The following PLCH1 variants were observed in gnomAD, a reference collection of about 807,000 sequenced individuals.
PLCH1 encodes 1-phosphatidylinositol 4,5-bisphosphate phosphodiesterase eta-1.
In PLCH1, 60 loss-of-function variants were observed where a neutral mutation model predicts 126.7. That is an observed-to-expected ratio of 0.47 (90% CI 0.38 to 0.59). The LOEUF is 0.59. PLCH1 is among the 20% of genes least tolerant of loss of function. The probability of loss-of-function intolerance (pLI) is 0.00; values close to 1 mark genes in which losing one functional copy is unlikely to be tolerated. For missense variants in PLCH1, 1,723 were observed against 2,040.0 expected (o/e 0.84, Z 2.99); for synonymous variants, 719 against 734.9 (o/e 0.98, Z 0.35).
At chr3:155,545,773 A>C (rs973234420) in intron 10 of PLCH1, among the ~76,000 whole-genome samples, 2 of 152,016 alleles carry the variant, frequency 1.3e-5, no homozygotes, top group Admixed American at 1.3e-4. Context: ...TATAAACAGA[A>C]CCAAAGACAA....
intron 21 of PLCH1, among the ~76,000 whole-genome samples, chr3:155,461,185 T>C (rs927175764): frequency 6.6e-6 from 1 of 152,234 alleles, no homozygotes; most frequent in Non-Finnish European, 1.5e-5. Context: ...TTGACATTTT[T>C]CTAATTGGAC....
At chr3:155,717,798 T>C (rs1182804726) in intron 1 of PLCH1, among the ~76,000 whole-genome samples, 1 of 152,210 alleles carries the variant, frequency 6.6e-6, no homozygotes, top group Admixed American at 6.5e-5. Context: ...TCTACCCTTG[T>C]CTTGGCAATT....
rs184513226 is a variant in PLCH1 at position 155,580,905 on chromosome 3, C to T, written c.771+2567G>A. Among the ~76,000 whole-genome samples, 767 of 152,182 alleles carry T rather than the reference C, an allele frequency of 5.0e-3. 8 individuals carry two copies. Among genetic ancestry groups the T allele is most frequent in the African/African-American group, 0.018 (731 of 41,522 alleles). ...ATCAAAAAAAGGTCTTTATTTTGAG[C>T]TTTCTGAGGGTAGGTTTTGTCCACT... On this transcript the variant is annotated intron_variant, in intron 6 of 22. Transcript: ENST00000460012.
intron 1 of PLCH1, among the ~76,000 whole-genome samples, chr3:155,737,717 A>G (rs1327583235): frequency 1.3e-5 from 2 of 152,228 alleles, no homozygotes; most frequent in African/African-American, 4.8e-5. Context: ...CTGGAGAACT[A>G]CATTGCATAT....
At chr3:155,454,973 G>A (rs145457609) in intron 21 of PLCH1, among the ~76,000 whole-genome samples, 1 of 152,164 alleles carries the variant, frequency 6.6e-6, no homozygotes, top group African/African-American at 2.4e-5. Flanking sequence ...CAAGCACTTT[G>A]GCAAAGAGGT....
intron 21 of PLCH1, among the ~76,000 whole-genome samples, chr3:155,468,099 A>G (rs1034684833): frequency 1.8e-4 from 27 of 152,208 alleles, no homozygotes; most frequent in African/African-American, 6.5e-4. Context: ...AAAAAGTTAA[A>G]AAGTGGGGGT....
intron 9 of PLCH1, among the ~76,000 whole-genome samples, chr3:155,551,684 CAAAAAAAAAAAAA>C (rs35872401): frequency 2.3e-5 from 2 of 87,010 alleles, no homozygotes; most frequent in Non-Finnish European, 4.8e-5. Flanking sequence ...AGCTCTCTAC[CAAAAAAAAAAAAA>C]AAAAAAAAAA....
At chr3:155,653,190 T>TATAG (rs1740944578) in intron 2 of PLCH1, among the ~76,000 whole-genome samples, 1 of 131,040 alleles carries the variant, frequency 7.6e-6, no homozygotes, top group East Asian at 2.2e-4. Flanking sequence ...TAGATATAGA[T>TATAG]ATATAGATAT....
At chr3:155,515,439 T>C (rs1720188484) in intron 11 of PLCH1, among the ~76,000 whole-genome samples, 1 of 152,242 alleles carries the variant, frequency 6.6e-6, no homozygotes, top group South Asian at 2.1e-4. Context: ...ATTTCAGGAG[T>C]TGAGGATTAT....
intron 4 of PLCH1, among the ~76,000 whole-genome samples, chr3:155,593,644 C>T (rs1427966151): frequency 1.3e-5 from 2 of 152,168 alleles, no homozygotes; most frequent in Non-Finnish European, 2.9e-5. Context: ...TTAATGGGCA[C>T]TTTCCCTCTC....
chr3:155,708,855 C>T (rs553485731), intron 1 of PLCH1, among the ~76,000 whole-genome samples: 25 of 152,240 alleles, frequency 1.6e-4, no homozygotes, highest in Non-Finnish European at 2.5e-4. Context: ...TGCAGATTTA[C>T]GCTCTTTATT....
In PLCH1 at chr3:155,546,732, C is replaced by A. The variant is rs1448720152; in HGVS notation, c.1362+3055G>T. ...CAGAACAGAGCCCTCAGAAATAACG[C>A]CCCATGTCTACAACTATCTGATCTT... On this transcript the variant is annotated intron_variant, in intron 10 of 22. Transcript: ENST00000460012. Among the ~76,000 whole-genome samples, 186 of 149,140 alleles carry A rather than the reference C, an allele frequency of 1.2e-3. No individual in the cohort carries two copies. In the East Asian group the frequency reaches 0.017, roughly 14 times the overall value.
At position 155,492,734 on chromosome 3, in the gene PLCH1, C is replaced by A. The variant is rs1716417682; in HGVS notation, c.2302G>T (p.Gly768Cys). The A allele has an allele frequency of 4.4e-6, 7 of 1,576,262 alleles. No homozygotes were observed. Among genetic ancestry groups the A allele is most frequent in the Non-Finnish European group, 6.0e-6 (7 of 1,163,968 alleles). The change falls in exon 18 of 23, where the codon GGC becomes TGC. Residue 768 changes from glycine (G) to cysteine (C), a missense_variant. Coordinates refer to ENST00000460012, the MANE Select transcript of PLCH1 (RefSeq NM_014996.4). ...CGTAGTCATAGGCAACTTACCTCGC[C>A]TCGATCTCCAAACATGGAGTCTGGA... ...KPPDSMFGDR[G>C]EIIDPFVEVE...
At chr3:155,616,905 CT>C (rs1378240626) in intron 2 of PLCH1, among the ~76,000 whole-genome samples, 1 of 152,024 alleles carries the variant, frequency 6.6e-6, no homozygotes, top group African/African-American at 2.4e-5. Context: ...TCTAAATTAG[CT>C]TTTTTTAACC....
downstream of PLCH1, among the ~76,000 whole-genome samples, chr3:155,475,906 T>C (rs1713525471): frequency 6.6e-6 from 1 of 151,898 alleles, no homozygotes; most frequent in African/African-American, 2.4e-5. Flanking sequence ...CTTACACCAA[T>C]CCTACTCAAA....
intron 10 of PLCH1, among the ~76,000 whole-genome samples, chr3:155,527,567 T>C (rs1234469420): frequency 2.0e-4 from 31 of 152,148 alleles, no homozygotes; most frequent in Admixed American, 1.9e-3. Flanking sequence ...ATCTAAACAA[T>C]TGGGATTTAG....
At chr3:155,659,867 C>T (rs558415171) in intron 2 of PLCH1, among the ~76,000 whole-genome samples, 33 of 152,194 alleles carry the variant, frequency 2.2e-4, no homozygotes, top group African/African-American at 7.9e-4. Context: ...CTCCTGGGCT[C>T]AAGCAATCCA....
intron 6 of PLCH1, among the ~76,000 whole-genome samples, chr3:155,575,335 A>G (rs1729779719): frequency 6.6e-6 from 1 of 152,156 alleles, no homozygotes; most frequent in Admixed American, 6.5e-5. Flanking sequence ...TTACCAAACC[A>G]TTCTGGATTC....
At chr3:155,715,606 C>CTT (rs763813354) in intron 1 of PLCH1, among the ~76,000 whole-genome samples, 5,485 of 122,662 alleles carry the variant, frequency 0.045, 276 homozygotes, top group African/African-American at 0.12. Flanking sequence ...CATCTGGCCT[C>CTT]TTTTTTTTTT....
Sources: allele counts gnomAD v4.1 joint callset (sites outside exome capture counted in the v4.1 genomes callset), GRCh38; gene constraint gnomAD v4.1.1; transcripts MANE v1.5; gene names NCBI Gene and HGNC (gene_info 2026-07-23, HGNC 2026-07-21).